Variants in GK observed in about 807,000 individuals in gnomAD.
GK encodes the protein ATP:glycerol 3-phosphotransferase.
A neutral mutation model predicts 56.4 loss-of-function variants in GK; 9 were observed. The observed-to-expected ratio is 0.16, with a 90% CI of 0.10 to 0.28. The LOEUF (loss-of-function observed/expected upper bound fraction) is 0.28, where lower values mean the gene tolerates loss of function less well. GK is among the 10% of genes least tolerant of loss of function. The pLI is 1.00. For missense variants in GK, 161 were observed against 431.4 expected (o/e 0.37, Z 5.55); for synonymous variants, 104 against 144.1 (o/e 0.72, Z 1.99).
intron 4 of GK, among the ~76,000 whole-genome samples, chrX:30,686,594 G>A (rs1934628532): frequency 9.0e-6 from 1 of 111,552 alleles, no homozygotes; most frequent in Non-Finnish European, 1.9e-5. Flanking sequence ...CGAAAAACTG[G>A]AAAGTTATGA....
intron 4 of GK, among the ~76,000 whole-genome samples, chrX:30,680,316 T>C (rs1934208763): frequency 8.9e-6 from 1 of 112,222 alleles, no homozygotes; most frequent in African/African-American, 3.2e-5. Context: ...TATAAATTAA[T>C]TGTGGAAAAG....
chrX:30,687,405 A>G lies in GK; in HGVS notation c.338-3718A>G, dbSNP rs143674450. On this transcript the variant is annotated intron_variant, in intron 4 of 20. Transcript: ENST00000427190. ...CTCTTCCTTTTCTTTTTCTACACCA[A>G]TGTGTAGAAAAAGTGTTCATTCTGA... The G allele has an allele frequency of 5.9e-4, 172 of 290,631 alleles. 1 individual carries two copies. The highest frequency in any genetic ancestry group is 8.0e-4 in the Non-Finnish European group (116 of 144,696). 24.0% of individuals were successfully genotyped at this position (290,631 alleles called of 1,213,427 possible).
Position 30,730,187 on chromosome X carries a change from GAAGAA to G in GK, c.*1450_*1454del, listed in dbSNP as rs1388381682. ...ATTACTTTGTTTTGTAGTAAACAGTGAAGAAAAGATTGCCTCCTAATTATTTTTTT... is the reference window on the plus strand; with the variant it reads ...ATTACTTTGTTTTGTAGTAAACAGTGAAGATTGCCTCCTAATTATTTTTTT... On this transcript the variant is annotated 3_prime_UTR_variant, in exon 21 of 21. Transcript: ENST00000427190. 2 of 112,015 alleles carry G rather than the reference GAAGAA, an allele frequency of 1.8e-5. No individual in the cohort carries two copies. Among genetic ancestry groups the G allele is most frequent in the East Asian group, 5.5e-4 (2 of 3,608 alleles). 9.2% of individuals were successfully genotyped at this position (112,015 alleles called of 1,213,427 possible). A position where few individuals can be genotyped will look rare whatever the true frequency, so the allele number is the denominator to read the frequency against.
chrX:30,680,653 A>G (rs1376688378), intron 4 of GK, among the ~76,000 whole-genome samples: 1 of 112,316 alleles, frequency 8.9e-6, no homozygotes, highest in Non-Finnish European at 1.9e-5. Context: ...GGCAGTGAGG[A>G]CAGAAGGAAA....
At chrX:30,680,992 C>G (rs1396611941) in intron 4 of GK, among the ~76,000 whole-genome samples, 1 of 111,866 alleles carries the variant, frequency 8.9e-6, no homozygotes, top group Non-Finnish European at 1.9e-5. Flanking sequence ...GCCTAACTTC[C>G]TTTCAGAAAT....
At chrX:30,709,979 G>A (rs1262115557) in intron 13 of GK, among the ~76,000 whole-genome samples, 1 of 111,095 alleles carries the variant, frequency 9.0e-6, no homozygotes, top group Non-Finnish European at 1.9e-5. Context: ...TACTCTTTCA[G>A]TTTTGTCTCA....
chrX:30,675,951 G>A (rs925472364), intron 3 of GK, among the ~76,000 whole-genome samples: 4 of 111,453 alleles, frequency 3.6e-5, no homozygotes, highest in African/African-American at 1.3e-4. Flanking sequence ...CACCATGCCT[G>A]GCTAATTTTT....
At chrX:30,723,183 C>T (rs915328147) in intron 18 of GK, among the ~76,000 whole-genome samples, 1 of 111,132 alleles carries the variant, frequency 9.0e-6, no homozygotes, top group African/African-American at 3.3e-5. Context: ...ATCACGAGGT[C>T]AGGAGATCAA....
At chrX:30,719,638 T>C in intron 15 of GK, 123 bp downstream of exon 15, 1 of 478,841 alleles carries the variant, frequency 2.1e-6, no homozygotes, top group Non-Finnish European at 3.6e-6. Context: ...CCTTTTCTTT[T>C]TGGAGAATAT....
chrX:30,663,292 C>T lies in GK; in HGVS notation c.79-2219C>T, dbSNP rs1286964824. On this transcript the variant is annotated intron_variant, in intron 1 of 20. Transcript: ENST00000427190. ...CCTATTGTAGTGAAGTTTTTCTGCA[C>T]ATAAGTGTTTCTCATTTTATCTGAT... Among the ~76,000 whole-genome samples, 4 of 112,080 alleles carry T rather than the reference C, an allele frequency of 3.6e-5. No individual in the cohort carries two copies. The East Asian group carries it at 1.1e-3, about 31-fold the overall frequency.
chrX:30,662,632 T>C (rs1480071469), intron 1 of GK, among the ~76,000 whole-genome samples: 1 of 111,836 alleles, frequency 8.9e-6, no homozygotes, highest in South Asian at 3.7e-4. Context: ...AGGTCTGCTA[T>C]TGAGGTTTTT....
At chrX:30,658,396 C>A (rs112873015) in intron 1 of GK, among the ~76,000 whole-genome samples, 5,853 of 110,591 alleles carry the variant, frequency 0.053, 170 homozygotes, top group Non-Finnish European at 0.077. Flanking sequence ...GCTCACTGCA[C>A]CCTCCGCCTC....
chrX:30,698,693 C>T (rs1215690012), intron 9 of GK, among the ~76,000 whole-genome samples: 3 of 62,235 alleles, frequency 4.8e-5, no homozygotes, highest in Non-Finnish European at 9.2e-5. Context: ...GAGAGGGAGA[C>T]TCCGTCTCAA....
intron 9 of GK, among the ~76,000 whole-genome samples, chrX:30,698,006 A>G (rs2147208174): frequency 8.9e-6 from 1 of 112,267 alleles, no homozygotes; most frequent in African/African-American, 3.2e-5. Context: ...ATTCTCATAA[A>G]GTACAACTGT....
chrX:30,715,747 A>T (rs948491944), intron 13 of GK, among the ~76,000 whole-genome samples: 1 of 112,106 alleles, frequency 8.9e-6, no homozygotes, highest in Admixed American at 9.5e-5. Flanking sequence ...GATGTCTCTC[A>T]TTTTTATTTC....
intron 13 of GK, among the ~76,000 whole-genome samples, chrX:30,714,922 AT>A (rs2147252163): frequency 8.9e-6 from 1 of 112,598 alleles, no homozygotes; most frequent in Non-Finnish European, 1.9e-5. Context: ...CATTTCAAAA[AT>A]AATGTTGCTC....
At chrX:30,719,171 C>A (rs769095753) in intron 14 of GK, among the ~76,000 whole-genome samples, 2 of 110,984 alleles carry the variant, frequency 1.8e-5, no homozygotes, top group African/African-American at 3.3e-5. Context: ...AGCTAAAATA[C>A]CTTAAATAAA....
intron 11 of GK, among the ~76,000 whole-genome samples, chrX:30,706,499 G>T (rs986982220): frequency 2.7e-5 from 3 of 111,695 alleles, no homozygotes; most frequent in Non-Finnish European, 5.6e-5. Context: ...CCCAGCTTGG[G>T]CAGAGCCAAG....
chrX:30,706,066 G>T (rs769854999), intron 11 of GK, among the ~76,000 whole-genome samples: 1 of 111,718 alleles, frequency 9.0e-6, no homozygotes, highest in African/African-American at 3.2e-5. Flanking sequence ...GCAATAAAAC[G>T]GTATAGTGAT....
Sources: allele counts gnomAD v4.1 joint callset (sites outside exome capture counted in the v4.1 genomes callset), GRCh38; gene constraint gnomAD v4.1.1; transcripts MANE v1.5; gene names NCBI Gene and HGNC (gene_info 2026-07-23, HGNC 2026-07-21).